PRKAB1: variants seen among roughly 807,000 people sequenced by gnomAD.
PRKAB1 encodes the protein protein kinase AMP-activated non-catalytic subunit beta 1.
In PRKAB1, 18 loss-of-function variants were observed where a neutral mutation model predicts 32.0. The ratio of observed to expected loss-of-function variants is 0.56; its 90% confidence interval spans 0.39 to 0.83. The LOEUF is 0.83. PRKAB1 is among the 40% of genes least tolerant of loss of function. PRKAB1 has a pLI of 0.00. For synonymous variants in PRKAB1, 141 were observed against 141.4 expected (o/e 1.00, Z 0.02); for missense variants, 263 against 352.6 (o/e 0.75, Z 2.03).
At chr12:119,673,368 A>C (rs278144) in intron 2 of PRKAB1, among the ~76,000 whole-genome samples, 2 of 152,090 alleles carry the variant, frequency 1.3e-5, no homozygotes, top group Non-Finnish European at 2.9e-5. Flanking sequence ...TCTTGATAAA[A>C]TGAGGGAGAA....
chr12:119,670,533 G>A (rs573596501), intron 1 of PRKAB1, among the ~76,000 whole-genome samples: 6 of 152,288 alleles, frequency 3.9e-5, no homozygotes, highest in African/African-American at 1.4e-4. Context: ...ATGACTTGAC[G>A]TCCTTTCCCC....
intron 5 of PRKAB1, chr12:119,678,560 T>C (rs1042505991): frequency 6.6e-6 from 1 of 152,252 alleles, no homozygotes; most frequent in African/African-American, 2.4e-5. Context: ...ACCACCACTC[T>C]ACTCTCTACT....
At position 119,681,141 on chromosome 12, in the gene PRKAB1, C is replaced by CCAGT. The variant is rs1360955983; in HGVS notation, c.*819_*822dup. ...CTGGCAGGTTGTCCAGCTTTTTATT[C>CCAGT]CAGTCATAATAGGTGACAGTGTTAA... On this transcript the variant is annotated 3_prime_UTR_variant, in exon 7 of 7. Transcript: ENST00000229328. 6.6e-6 allele frequency: 1 copy of CCAGT among 152,374 alleles called. No homozygotes were observed. The highest frequency in any genetic ancestry group is 1.9e-4 in the East Asian group (1 of 5,192). The allele number at this position is 152,374 out of a possible 1,614,324, so 9.4% of individuals were successfully genotyped here.
chr12:119,668,017 T>G, upstream of PRKAB1: 3 of 529,390 alleles, frequency 5.7e-6, no homozygotes, highest in Non-Finnish European at 9.6e-6. Context: ...TCGCGCCCCT[T>G]GCGTTCTTGC....
In PRKAB1 at chr12:119,680,378, C is replaced by A. The variant is rs1034002737; in HGVS notation, c.*53C>A. 75 of 1,511,392 alleles carry A rather than the reference C, an allele frequency of 5.0e-5. No homozygotes were observed. Among genetic ancestry groups the A allele is most frequent in the Non-Finnish European group, 6.7e-5 (73 of 1,089,080 alleles). 93.6% of individuals were successfully genotyped at this position (1,511,392 alleles called of 1,614,324 possible). A position where few individuals can be genotyped will look rare whatever the true frequency, so the allele number is the denominator to read the frequency against. ...AGACAGCACACCACCAGGCTCCACA[C>A]GTGCATGCTTTCCCCAAGAGGGAAT... is the stretch of plus-strand genomic sequence containing the variant. On this transcript the variant is annotated 3_prime_UTR_variant, in exon 7 of 7. Transcript: ENST00000229328.
At chr12:119,675,347 A>G (rs1055179606) in intron 4 of PRKAB1, among the ~76,000 whole-genome samples, 2 of 152,218 alleles carry the variant, frequency 1.3e-5, no homozygotes, top group Non-Finnish European at 2.9e-5. Context: ...TAAAATGATC[A>G]CAATGGGCTC....
intron 1 of PRKAB1, 50 bp downstream of exon 1, chr12:119,668,453 A>G: frequency 6.3e-7 from 1 of 1,593,684 alleles, no homozygotes; most frequent in Non-Finnish European, 8.5e-7. Flanking sequence ...TGTTGAGGAG[A>G]GGAACCCTCC....
intron 5 of PRKAB1, chr12:119,678,146 A>C (rs1955440472): frequency 1.3e-5 from 2 of 152,242 alleles, no homozygotes; most frequent in South Asian, 4.1e-4. Flanking sequence ...ACAAGCTGAG[A>C]GTGGCCCAGG....
intron 1 of PRKAB1, among the ~76,000 whole-genome samples, chr12:119,671,827 A>G (rs1955390802): frequency 6.6e-6 from 1 of 152,236 alleles, no homozygotes; most frequent in African/African-American, 2.4e-5. Context: ...ACTTAAATGT[A>G]TCTAAACATA....
At chr12:119,669,272 T>C (rs1955366752) in intron 1 of PRKAB1, among the ~76,000 whole-genome samples, 1 of 124,450 alleles carries the variant, frequency 8.0e-6, no homozygotes, top group African/African-American at 3.5e-5. Context: ...TTCAGCCTAC[T>C]TTTTTTTTTT....
chr12:119,668,514 T>TG (rs2136847669), intron 1 of PRKAB1, 111 bp downstream of exon 1: 1 of 1,410,518 alleles, frequency 7.1e-7, no homozygotes, highest in African/African-American at 1.5e-5. Context: ...GAGAGGGAGG[T>TG]GGTACATTAC....
rs1955353495 is a variant in PRKAB1 at position 119,668,162 on chromosome 12, C to G, written c.-83C>G. On this transcript the variant is annotated 5_prime_UTR_variant, in exon 1 of 7. Coordinates refer to ENST00000229328, the MANE Select transcript of PRKAB1 (RefSeq NM_006253.5). ...CCTTCCGCAGGCTCCTTGGGACCCG[C>G]GGTTCCGGGAGTCCCTTGCTCAGGG... 2.9e-6 allele frequency: 4 copies of G among 1,386,504 alleles called. No individual in the cohort carries two copies. The highest frequency in any genetic ancestry group is 9.4e-7 in the Non-Finnish European group (1 of 1,067,254). 85.9% of individuals were successfully genotyped at this position (1,386,504 alleles called of 1,614,324 possible).
intron 2 of PRKAB1, among the ~76,000 whole-genome samples, chr12:119,673,141 G>T (rs1211889395): frequency 6.6e-6 from 1 of 152,156 alleles, no homozygotes; most frequent in Non-Finnish European, 1.5e-5. Context: ...GAGATGGGAG[G>T]ATTGTTTGAG....
chr12:119,680,238 T>C lies in PRKAB1; in HGVS notation c.736-10T>C. 1 of 1,613,156 alleles carries C rather than the reference T, an allele frequency of 6.2e-7. No homozygotes were observed. Among genetic ancestry groups the C allele is most frequent in the Non-Finnish European group, 8.5e-7 (1 of 1,179,132 alleles). Reference sequence around the variant, plus strand: ...GTCCAGCCTTTGATCATTTCCACCTTGTTCCTTAGGATGGAGTGATGGTGC... The same window carrying C: ...GTCCAGCCTTTGATCATTTCCACCTCGTTCCTTAGGATGGAGTGATGGTGC... On this transcript the variant is annotated splice_polypyrimidine_tract_variant and intron_variant, in intron 6 of 6. Transcript: ENST00000229328.
chr12:119,668,853 A>C (rs1459397872), intron 1 of PRKAB1, among the ~76,000 whole-genome samples: 1 of 152,238 alleles, frequency 6.6e-6, no homozygotes, highest in Non-Finnish European at 1.5e-5. Flanking sequence ...AACCAGGTAC[A>C]TATACAAGCT....
chr12:119,676,755 G>T (rs898079196), intron 5 of PRKAB1, 85 bp downstream of exon 5: 1 of 1,504,618 alleles, frequency 6.6e-7, no homozygotes, highest in Non-Finnish European at 9.1e-7. Context: ...TTGCAAAGCA[G>T]CTGGTGAGCA....
chr12:119,668,102 C>A, upstream of PRKAB1: 4 of 1,083,506 alleles, frequency 3.7e-6, no homozygotes, highest in South Asian at 8.3e-5. Flanking sequence ...AACCGGCTCC[C>A]GGCCCGAGGG....
At chr12:119,672,491 T>G (rs1313074782) in intron 2 of PRKAB1, 27 bp downstream of exon 2, 3 of 1,483,456 alleles carry the variant, frequency 2.0e-6, no homozygotes, top group Non-Finnish European at 2.7e-6. Flanking sequence ...TGTTCACATA[T>G]TTGTCTTAAC....
At chr12:119,668,701 C>T (rs1955359928) in intron 1 of PRKAB1, among the ~76,000 whole-genome samples, 1 of 152,208 alleles carries the variant, frequency 6.6e-6, no homozygotes, top group African/African-American at 2.4e-5. Flanking sequence ...AATTCAGAGT[C>T]GAGCTAACAG....
Sources: gnomAD v4.1 joint callset for allele counts (sites outside exome capture counted in the v4.1 genomes callset) on GRCh38, gnomAD v4.1.1 for gene constraint, MANE v1.5 for transcripts, NCBI Gene and HGNC (gene_info 2026-07-23, HGNC 2026-07-21) for gene names.